Variants in MUCL1 observed in about 807,000 individuals in gnomAD.
MUCL1 encodes mucin like 1.
A neutral mutation model predicts 9.2 loss-of-function variants in MUCL1; 11 were observed. That is an observed-to-expected ratio of 1.19 (90% CI 0.75 to 1.97). MUCL1 has a LOEUF of 1.97. Ranked by LOEUF, MUCL1 falls within the 30% of genes most tolerant of loss-of-function variation. The pLI, the probability that MUCL1 is intolerant of heterozygous loss-of-function variation, is 0.00. For missense variants in MUCL1, 144 were observed against 110.9 expected, an observed-to-expected ratio of 1.30 and a Z score of -1.34; for synonymous variants, 48 against 40.5, an observed-to-expected ratio of 1.19 and a Z score of -0.71.
At chr12:54,854,992 C>T (rs1868288420) in intron 1 of MUCL1, 124 bp from the exon 2 acceptor site, 5 of 782,140 alleles carry the variant, frequency 6.4e-6, no homozygotes, top group South Asian at 1.6e-5. Flanking sequence ...TCTTCCTCAA[C>T]TGGTACACCA....
intron 1 of MUCL1, among the ~76,000 whole-genome samples, chr12:54,843,916 C>T (rs1029621277): frequency 1.3e-5 from 2 of 152,164 alleles, no homozygotes; most frequent in Admixed American, 6.5e-5. Context: ...AAGTAATACA[C>T]TGACATTCAT....
intron 1 of MUCL1, among the ~76,000 whole-genome samples, chr12:54,840,107 G>A (rs1959202614): frequency 6.6e-6 from 1 of 152,156 alleles, no homozygotes; most frequent in Admixed American, 6.5e-5. Flanking sequence ...GCTGCCCAGT[G>A]GGGTAGCCAC....
chr12:54,856,776 C>T lies in MUCL1; in HGVS notation c.107C>T (p.Pro36Leu), dbSNP rs745427604. ...APADTYPATG[P>L]ADDEAPDAET... ...CTTTTCCTTCTAATTTCAGCTGGTCCTGCTGATGATGAAGCCCCTGATGCT... is the reference window on the plus strand; with the variant it reads ...CTTTTCCTTCTAATTTCAGCTGGTCTTGCTGATGATGAAGCCCCTGATGCT... Residue 36 changes from proline to leucine, a missense_variant, in exon 3 of 4, where the codon CCT (proline) becomes CTT (leucine). By Grantham distance (98) the Pro-to-Leu change is moderately conservative (BLOSUM62 -3). Coordinates refer to ENST00000308796, the MANE Select transcript of MUCL1 (RefSeq NM_058173.3). 9.9e-6 allele frequency: 16 copies of T among 1,611,636 alleles called. No individual in the cohort carries two copies. Among genetic ancestry groups the T allele is most frequent in the Non-Finnish European group, 1.4e-5 (16 of 1,178,866 alleles).
upstream of MUCL1, among the ~76,000 whole-genome samples, chr12:54,852,603 C>A (rs2135945357): frequency 6.6e-6 from 1 of 152,280 alleles, no homozygotes; most frequent in Middle Eastern, 3.4e-3. Context: ...CTTAAGGGGA[C>A]CCTAACTGAT....
upstream of MUCL1, among the ~76,000 whole-genome samples, chr12:54,836,173 T>C (rs777178921): frequency 3.9e-5 from 6 of 152,190 alleles, no homozygotes; most frequent in Non-Finnish European, 7.4e-5. Context: ...AATTTTTCTT[T>C]GAAGGTCTGG....
upstream of MUCL1, among the ~76,000 whole-genome samples, chr12:54,849,904 C>T (rs1036402424): frequency 6.6e-6 from 1 of 152,160 alleles, no homozygotes; most frequent in Non-Finnish European, 1.5e-5. Context: ...CTGTTGTAGG[C>T]CCCACGGGGC....
chr12:54,849,256 C>T (rs942113868), intron 1 of MUCL1, among the ~76,000 whole-genome samples: 3 of 152,004 alleles, frequency 2.0e-5, no homozygotes, highest in Non-Finnish European at 4.4e-5. Context: ...ATTTATTTAA[C>T]ATTTGCTTTT....
At chr12:54,842,688 C>G (rs1027476656) in intron 1 of MUCL1, among the ~76,000 whole-genome samples, 2 of 152,120 alleles carry the variant, frequency 1.3e-5, no homozygotes, top group South Asian at 4.1e-4. Flanking sequence ...TTTAAATTCT[C>G]ATTGTTTTTC....
At chr12:54,846,432 A>T (rs1959258446) in intron 1 of MUCL1, among the ~76,000 whole-genome samples, 1 of 152,198 alleles carries the variant, frequency 6.6e-6, no homozygotes, top group South Asian at 2.1e-4. Context: ...GAACCCTCCC[A>T]TTTCAATAAT....
At chr12:54,840,754 A>T (rs1959206721) in intron 1 of MUCL1, among the ~76,000 whole-genome samples, 1 of 152,128 alleles carries the variant, frequency 6.6e-6, no homozygotes, top group Non-Finnish European at 1.5e-5. Flanking sequence ...TCCAGGGAGG[A>T]GCACAGCTGC....
At chr12:54,831,527 G>A (rs1441585537) in intron 1 of MUCL1, among the ~76,000 whole-genome samples, 1 of 151,974 alleles carries the variant, frequency 6.6e-6, no homozygotes. Context: ...TTGAGATGAT[G>A]ACTAACTTTG....
At position 54,856,901 on chromosome 12, in the gene MUCL1, A is replaced by G. The variant is rs145467450; in HGVS notation, c.223+9A>G. On this transcript the variant is annotated intron_variant, in intron 3 of 3. Coordinates refer to ENST00000308796, the MANE Select transcript of MUCL1 (RefSeq NM_058173.3). ...TCGTAAAGACATTCCAGGTAGCAAGACTCCTCCATCTGTGTGCTTCCTTTA... is the reference window on the plus strand; with the variant it reads ...TCGTAAAGACATTCCAGGTAGCAAGGCTCCTCCATCTGTGTGCTTCCTTTA... 2 of 1,613,068 alleles carry G rather than the reference A, an allele frequency of 1.2e-6. No individual in the cohort carries two copies. The highest frequency in any genetic ancestry group is 1.1e-5 in the South Asian group (1 of 91,012).
chr12:54,839,587 A>G (rs1959200662), intron 1 of MUCL1: 1 of 681,788 alleles, frequency 1.5e-6, no homozygotes, highest in Admixed American at 2.0e-5. Context: ...AAGTCGCAGG[A>G]AAATGATTTG....
chr12:54,844,047 T>C (rs943787357), intron 1 of MUCL1, among the ~76,000 whole-genome samples: 5 of 152,226 alleles, frequency 3.3e-5, no homozygotes, highest in Non-Finnish European at 5.9e-5. Flanking sequence ...GCTTTTATGG[T>C]CATGGTAATG....
chr12:54,843,604 T>A (rs571989087), intron 1 of MUCL1, among the ~76,000 whole-genome samples: 1 of 152,262 alleles, frequency 6.6e-6, no homozygotes, highest in East Asian at 1.9e-4. Context: ...GTCTTTTAAA[T>A]GTGGAAGAGG....
At chr12:54,851,693 C>T (rs1289655110), upstream of MUCL1, among the ~76,000 whole-genome samples, 2 of 152,102 alleles carry the variant, frequency 1.3e-5, no homozygotes, top group Non-Finnish European at 2.9e-5. Flanking sequence ...AAAGGGTATT[C>T]AATTAGGAAA....
upstream of MUCL1, chr12:54,854,393 T>C: frequency 3.6e-6 from 2 of 563,320 alleles, no homozygotes; most frequent in Non-Finnish European, 3.1e-6. Context: ...CCTGGCTGTG[T>C]TGTTGATTCT....
chr12:54,845,112 G>A (rs1005359360), intron 1 of MUCL1, among the ~76,000 whole-genome samples: 1 of 152,204 alleles, frequency 6.6e-6, no homozygotes, highest in African/African-American at 2.4e-5. Flanking sequence ...GGGACTGTCG[G>A]CCAGAATGCC....
upstream of MUCL1, chr12:54,854,492 G>T (rs1438648080): frequency 4.1e-6 from 4 of 977,108 alleles, no homozygotes; most frequent in African/African-American, 4.9e-5. Context: ...CATATATATT[G>T]TCAGGATGTG....
Sources: gnomAD v4.1 joint callset for allele counts (sites outside exome capture counted in the v4.1 genomes callset) on GRCh38, gnomAD v4.1.1 for gene constraint, MANE v1.5 for transcripts, NCBI Gene and HGNC (gene_info 2026-07-23, HGNC 2026-07-21) for gene names.